KAT2B: variants seen among roughly 807,000 people sequenced by gnomAD.
KAT2B encodes the protein histone acetyltransferase KAT2B.
KAT2B carries 36 observed loss-of-function variants against 105.9 expected under a neutral mutation model. That is an observed-to-expected ratio of 0.34 (90% confidence interval 0.26 to 0.45). The LOEUF (loss-of-function observed/expected upper bound fraction) is 0.45. Ranked by LOEUF, KAT2B falls within the 20% of genes least tolerant of loss-of-function variation. The pLI, the probability that KAT2B is intolerant of heterozygous loss-of-function variation, is 1.00. For missense variants in KAT2B, 820 were observed against 1,021.6 expected, an observed-to-expected ratio of 0.80 and a Z score of 2.69; for synonymous variants, 397 against 377.9, an observed-to-expected ratio of 1.05 and a Z score of -0.59.
chr3:20,075,408 T>C (rs1313297819), intron 2 of KAT2B, among the ~76,000 whole-genome samples: 1 of 151,660 alleles, frequency 6.6e-6, no homozygotes, highest in Non-Finnish European at 1.5e-5. Flanking sequence ...TAGCTGGAGG[T>C]CCCATAATTC....
chr3:20,140,118 A>G, intron 12 of KAT2B, 103 bp from the exon 13 acceptor site: 1 of 759,130 alleles, frequency 1.3e-6, no homozygotes, highest in Admixed American at 2.4e-5. Context: ...GAGAACTTCA[A>G]AGAAGCTTGT....
intron 1 of KAT2B, among the ~76,000 whole-genome samples, chr3:20,047,288 T>G (rs1575102526): frequency 6.6e-6 from 1 of 152,100 alleles, no homozygotes; most frequent in Non-Finnish European, 1.5e-5. Flanking sequence ...AACAGGCTGG[T>G]CTTGAACTCC....
chr3:20,150,129 G>C (rs190254249), intron 17 of KAT2B, among the ~76,000 whole-genome samples: 2 of 152,290 alleles, frequency 1.3e-5, no homozygotes, highest in African/African-American at 4.8e-5. Flanking sequence ...GTCTCACAAG[G>C]GGGGAAACTG....
chr3:20,064,962 C>T (rs764269194), intron 1 of KAT2B, among the ~76,000 whole-genome samples: 5 of 152,192 alleles, frequency 3.3e-5, no homozygotes, highest in Non-Finnish European at 5.9e-5. Flanking sequence ...ACCCATCTCA[C>T]TCATTAACAC....
chr3:20,127,236 G>T (rs1266705201), intron 10 of KAT2B, among the ~76,000 whole-genome samples, 187 bp from the exon 11 acceptor site: 1 of 152,154 alleles, frequency 6.6e-6, no homozygotes, highest in African/African-American at 2.4e-5. Context: ...GACATCTTGT[G>T]CAGGCGACCT....
chr3:20,066,870 T>G (rs1698231376), intron 1 of KAT2B, among the ~76,000 whole-genome samples: 1 of 152,150 alleles, frequency 6.6e-6, no homozygotes, highest in African/African-American at 2.4e-5. Context: ...TAATGTGATA[T>G]TTTAACATTT....
intron 13 of KAT2B, 63 bp downstream of exon 13, chr3:20,140,427 T>C: frequency 6.4e-7 from 1 of 1,560,366 alleles, no homozygotes. Flanking sequence ...GTGGGTTGCA[T>C]TTCCTTGGGT....
intron 2 of KAT2B, among the ~76,000 whole-genome samples, chr3:20,077,712 G>A (rs768668750): frequency 1.3e-5 from 2 of 152,114 alleles, no homozygotes; most frequent in East Asian, 3.8e-4. Flanking sequence ...AATTGTGCTG[G>A]TTTAGAATAT....
intron 2 of KAT2B, among the ~76,000 whole-genome samples, chr3:20,091,817 A>G (rs1346077704): frequency 6.6e-6 from 1 of 152,134 alleles, no homozygotes; most frequent in African/African-American, 2.4e-5. Context: ...TCCTCCTGTT[A>G]ATGATTTATA....
chr3:20,129,674 C>A (rs960811299), intron 11 of KAT2B, among the ~76,000 whole-genome samples: 1 of 152,184 alleles, frequency 6.6e-6, no homozygotes, highest in African/African-American at 2.4e-5. Context: ...CCACACCCAG[C>A]CTTATACTAA....
At chr3:20,115,239 G>A (rs531081326) in intron 7 of KAT2B, among the ~76,000 whole-genome samples, 2 of 152,324 alleles carry the variant, frequency 1.3e-5, no homozygotes, top group South Asian at 4.1e-4. Context: ...TATAATGGTG[G>A]ATAGTGAGTG....
intron 12 of KAT2B, among the ~76,000 whole-genome samples, chr3:20,139,566 C>T (rs1231753800): frequency 1.3e-5 from 2 of 151,890 alleles, no homozygotes; most frequent in Non-Finnish European, 2.9e-5. Flanking sequence ...AAATTTTCTG[C>T]AAATAACTGA....
chr3:20,143,318 A>G (rs1324754927), intron 13 of KAT2B, among the ~76,000 whole-genome samples: 2 of 152,210 alleles, frequency 1.3e-5, no homozygotes, highest in African/African-American at 4.8e-5. Flanking sequence ...ATGCAAGTCA[A>G]AACCACAATG....
chr3:20,148,059 A>G (rs2125198239), intron 15 of KAT2B, 60 bp downstream of exon 15: 1 of 1,556,794 alleles, frequency 6.4e-7, no homozygotes, highest in Non-Finnish European at 8.8e-7. Flanking sequence ...CCCACCAAGC[A>G]ACTTAAAGAA....
At chr3:20,079,267 C>T (rs113073514) in intron 2 of KAT2B, among the ~76,000 whole-genome samples, 38 of 140,420 alleles carry the variant, frequency 2.7e-4, no homozygotes, top group African/African-American at 9.7e-4. Flanking sequence ...TGCAATGGTG[C>T]AATCTCGGCT....
At chr3:20,148,067 G>A in intron 15 of KAT2B, 68 bp downstream of exon 15, 1 of 1,519,786 alleles carries the variant, frequency 6.6e-7, no homozygotes, top group Non-Finnish European at 9.1e-7. Flanking sequence ...GCAACTTAAA[G>A]AAAAACGGCA....
chr3:20,103,492 C>T (rs186620620), intron 5 of KAT2B, among the ~76,000 whole-genome samples: 490 of 152,236 alleles, frequency 3.2e-3, no homozygotes, highest in Non-Finnish European at 5.3e-3. Flanking sequence ...TCACTGTAGC[C>T]TCAACCTCCT....
intron 1 of KAT2B, among the ~76,000 whole-genome samples, chr3:20,064,471 G>A (rs1313471233): frequency 2.6e-5 from 4 of 152,198 alleles, no homozygotes; most frequent in Non-Finnish European, 5.9e-5. Context: ...TTTGGTTAGA[G>A]AGATCTTATT....
intron 5 of KAT2B, among the ~76,000 whole-genome samples, chr3:20,107,001 A>G (rs866172872): frequency 4.5e-4 from 9 of 19,802 alleles, no homozygotes; most frequent in East Asian, 3.1e-3. Context: ...ATATATATAT[A>G]TATATATATA....
Sources: allele counts gnomAD v4.1 joint callset (sites outside exome capture counted in the v4.1 genomes callset), GRCh38; gene constraint gnomAD v4.1.1; transcripts MANE v1.5; gene names NCBI Gene and HGNC (gene_info 2026-07-23, HGNC 2026-07-21).